Variants in MAGI2 observed in about 807,000 individuals in gnomAD.
MAGI2 encodes the protein membrane associated guanylate kinase, WW and PDZ domain containing 2.
Under a neutral mutation model 133.3 loss-of-function variants are expected in MAGI2, and 35 were observed. The ratio of observed to expected loss-of-function variants is 0.26; its 90% CI spans 0.20 to 0.35. MAGI2 has a LOEUF of 0.35. Among genes scored for constraint, MAGI2 ranks in the 10% least tolerant of loss-of-function variants. The probability of loss-of-function intolerance (pLI) is 1.00; values close to 1 mark genes in which losing one functional copy is unlikely to be tolerated. For synonymous variants in MAGI2, 729 were observed against 710.6 expected (o/e 1.03, Z -0.41); for missense variants, 1,636 against 1,863.4 (o/e 0.88, Z 2.25).
chr7:78,780,748 G>T (rs1185436976), intron 2 of MAGI2, among the ~76,000 whole-genome samples: 1 of 152,178 alleles, frequency 6.6e-6, no homozygotes, highest in East Asian at 1.9e-4. Context: ...TGTAGTATTT[G>T]TCAGTTCTGT....
chr7:79,225,204 T>C (rs572796918), intron 1 of MAGI2, among the ~76,000 whole-genome samples: 52 of 152,276 alleles, frequency 3.4e-4, no homozygotes, highest in African/African-American at 1.2e-3. Flanking sequence ...TTATGATACA[T>C]AAAATATAGA....
chr7:78,468,274 T>C (rs190488549), intron 6 of MAGI2, among the ~76,000 whole-genome samples: 37 of 152,274 alleles, frequency 2.4e-4, no homozygotes, highest in Non-Finnish European at 3.8e-4. Flanking sequence ...AATGGTTCCC[T>C]TGACTATCAC....
At chr7:79,210,214 T>G (rs78777366) in intron 1 of MAGI2, among the ~76,000 whole-genome samples, 5,384 of 152,122 alleles carry the variant, frequency 0.035, 171 homozygotes, top group African/African-American at 0.062. Flanking sequence ...TGTGACAGAA[T>G]CAACTGATAC....
chr7:78,658,278 A>T (rs1222589210), intron 2 of MAGI2, among the ~76,000 whole-genome samples: 1 of 123,348 alleles, frequency 8.1e-6, no homozygotes, highest in African/African-American at 3.0e-5. Flanking sequence ...CCATAGGCAA[A>T]AAGTGGTTTT....
intron 1 of MAGI2, among the ~76,000 whole-genome samples, chr7:79,366,831 T>A (rs988145712): frequency 3.3e-5 from 5 of 152,216 alleles, no homozygotes; most frequent in Admixed American, 1.3e-4. Context: ...TCATAGGATA[T>A]ATTATGATGT....
chr7:78,235,190 T>C (rs112983420), intron 10 of MAGI2, among the ~76,000 whole-genome samples: 4 of 152,332 alleles, frequency 2.6e-5, no homozygotes, highest in Admixed American at 1.3e-4. Context: ...TTTAGAATTG[T>C]TGGCTGTAAC....
At chr7:78,176,908 G>GAC (rs200781303) in intron 14 of MAGI2, among the ~76,000 whole-genome samples, 8,495 of 130,392 alleles carry the variant, frequency 0.065, 258 homozygotes, top group African/African-American at 0.066. Flanking sequence ...ACCATATATA[G>GAC]ACACACACAC....
intron 2 of MAGI2, among the ~76,000 whole-genome samples, chr7:78,715,292 C>T (rs553565013): frequency 1.3e-5 from 2 of 152,206 alleles, no homozygotes; most frequent in African/African-American, 4.8e-5. Flanking sequence ...GACTCCTGAA[C>T]CGGTTTCAGA....
chr7:78,791,908 C>T (rs1219623033), intron 2 of MAGI2, among the ~76,000 whole-genome samples: 1 of 151,882 alleles, frequency 6.6e-6, no homozygotes, highest in Non-Finnish European at 1.5e-5. Context: ...TATGGAGAAC[C>T]CTCAAAGTAG....
chr7:79,054,319 T>C (rs1812942089), intron 1 of MAGI2, among the ~76,000 whole-genome samples: 1 of 152,200 alleles, frequency 6.6e-6, no homozygotes, highest in African/African-American at 2.4e-5. Flanking sequence ...TACAAAATTA[T>C]AAAAGTCCTT....
chr7:79,208,720 C>T (rs1829263130), intron 1 of MAGI2, among the ~76,000 whole-genome samples: 5 of 151,858 alleles, frequency 3.3e-5, no homozygotes, highest in Admixed American at 2.6e-4. Flanking sequence ...TTGAAGAGAT[C>T]GCTGCACTTC....
At chr7:78,400,844 G>T (rs1796789927) in intron 6 of MAGI2, among the ~76,000 whole-genome samples, 1 of 152,088 alleles carries the variant, frequency 6.6e-6, no homozygotes. Flanking sequence ...AGGGAAACAA[G>T]ATTTAAGTTT....
At chr7:78,070,563 T>C (rs572567916) in intron 21 of MAGI2, among the ~76,000 whole-genome samples, 31 of 87,612 alleles carry the variant, frequency 3.5e-4, no homozygotes, top group African/African-American at 1.2e-3. Flanking sequence ...TATATATGTA[T>C]ATATATGTGT....
intron 16 of MAGI2, among the ~76,000 whole-genome samples, chr7:78,151,634 T>C (rs1198826933): frequency 2.0e-5 from 3 of 152,214 alleles, no homozygotes; most frequent in Non-Finnish European, 4.4e-5. Context: ...GGCTGACTGC[T>C]GAATCATTTA....
chr7:78,079,980 G>T (rs1415882974), intron 20 of MAGI2, among the ~76,000 whole-genome samples: 1 of 152,188 alleles, frequency 6.6e-6, no homozygotes, highest in African/African-American at 2.4e-5. Flanking sequence ...AGCACAACGA[G>T]TTGCTTTGCA....
intron 1 of MAGI2, among the ~76,000 whole-genome samples, chr7:79,227,564 A>G (rs926217575): frequency 6.6e-6 from 1 of 152,038 alleles, no homozygotes; most frequent in Admixed American, 6.6e-5. Flanking sequence ...TCCTTTTTTC[A>G]GCACATAATA....
intron 1 of MAGI2, among the ~76,000 whole-genome samples, chr7:79,101,360 C>G (rs536560122): frequency 3.2e-4 from 49 of 152,176 alleles, no homozygotes; most frequent in Middle Eastern, 3.4e-3. Flanking sequence ...CTTTGTTTAT[C>G]CTGACTATGT....
At chr7:79,181,448 T>G (rs1198801066) in intron 1 of MAGI2, among the ~76,000 whole-genome samples, 2 of 151,898 alleles carry the variant, frequency 1.3e-5, no homozygotes, top group African/African-American at 2.4e-5. Context: ...TGACCCCTGT[T>G]AGTCACAGCT....
chr7:78,843,135 C>T (rs75369232), intron 2 of MAGI2, among the ~76,000 whole-genome samples: 2,766 of 151,904 alleles, frequency 0.018, 98 homozygotes, highest in African/African-American at 0.062. Flanking sequence ...TATTGAGCTA[C>T]GTCCCTGGCC....
Sources: allele counts gnomAD v4.1 joint callset (sites outside exome capture counted in the v4.1 genomes callset), GRCh38; gene constraint gnomAD v4.1.1; transcripts MANE v1.5; gene names NCBI Gene and HGNC (gene_info 2026-07-23, HGNC 2026-07-21).